TRPM1: variants seen among roughly 807,000 people sequenced by gnomAD.
TRPM1 encodes transient receptor potential cation channel subfamily M member 1, also known as TRPM1-203 APA Isoform, Intron 10.
In TRPM1, 113 loss-of-function variants were observed where a neutral mutation model predicts 149.4. That is an observed-to-expected ratio of 0.76 (90% CI 0.65 to 0.88). The LOEUF (loss-of-function observed/expected upper bound fraction) is 0.88, where lower values mean the gene tolerates loss of function less well. TRPM1 is among the 40% of genes least tolerant of loss of function. The probability of loss-of-function intolerance (pLI) is 0.00; values close to 1 mark genes in which losing one functional copy is unlikely to be tolerated. For missense variants in TRPM1, 1,976 were observed against 2,038.7 expected (o/e 0.97, Z 0.59); for synonymous variants, 741 against 759.5 (o/e 0.98, Z 0.40).
intron 11 of TRPM1, among the ~76,000 whole-genome samples, chr15:31,059,150 G>C (rs2140951443): frequency 6.6e-6 from 1 of 152,302 alleles, no homozygotes; most frequent in Non-Finnish European, 1.5e-5. Context: ...AGTGGAAGCA[G>C]AGTGAGCAAT....
At position 31,040,049 on chromosome 15, in the gene TRPM1, T is replaced by C; in HGVS notation, c.2316+69A>G. 7.2e-7 allele frequency: 1 copy of C among 1,391,510 alleles called. No homozygotes were observed. The highest frequency in any genetic ancestry group is 1.2e-5 in the South Asian group (1 of 86,448). The allele number at this position is 1,391,510 out of a possible 1,614,324, so 86.2% of individuals were successfully genotyped here. ...AAATGAAATAAGCCACAGAAAGTGCTCAGTTCAGCCTGGCAGAGAGTCACT... is the reference window on the plus strand; with the variant it reads ...AAATGAAATAAGCCACAGAAAGTGCCCAGTTCAGCCTGGCAGAGAGTCACT... On this transcript the variant is annotated intron_variant, in intron 18 of 27. Coordinates refer to ENST00000256552, the MANE Select transcript of TRPM1 (RefSeq NM_001252024.2). The surrounding 1 kb of genome is among the most constrained non-coding windows in gnomAD (Gnocchi z 4.2).
chr15:31,047,800 T>C, intron 14 of TRPM1, 89 bp downstream of exon 14: 1 of 1,046,394 alleles, frequency 9.6e-7, no homozygotes, highest in Non-Finnish European at 1.5e-6. Context: ...CCTGGAATAA[T>C]AATACATTTT....
At chr15:31,082,265 C>A (rs181382883) in intron 1 of TRPM1, among the ~76,000 whole-genome samples, 1 of 152,128 alleles carries the variant, frequency 6.6e-6, no homozygotes, top group Admixed American at 6.5e-5. Context: ...GCCTCTGTGC[C>A]GGATGATAGG....
At chr15:31,038,216 T>C (rs2033489675) in intron 18 of TRPM1, 50 bp from the exon 19 acceptor site, 1 of 1,606,044 alleles carries the variant, frequency 6.2e-7, no homozygotes, top group Non-Finnish European at 8.5e-7. Context: ...TAGAAAAATG[T>C]CCCAGCATAG....
At chr15:31,113,827 A>G (rs1253887792) in intron 1 of TRPM1, among the ~76,000 whole-genome samples, 2 of 152,148 alleles carry the variant, frequency 1.3e-5, no homozygotes, top group South Asian at 2.1e-4. Flanking sequence ...TTTATTGTGA[A>G]GATGTGAACA....
Position 31,032,768 on chromosome 15 carries a change from A to T in TRPM1, c.2873T>A (p.Ile958Asn). ...GTCCAGGACACGGATGTACCAGAAG[A>T]TGATATCCACACAGTAGATCACCCG... ...YGRVIYCVDI[I>N]FWYIRVLDIF... Residue 958 changes from isoleucine to asparagine, a missense_variant, in exon 22 of 28, where the codon ATC (isoleucine) becomes AAC (asparagine). Physicochemically the swap from Ile to Asn is moderately radical, Grantham distance 149 (BLOSUM62 -3). This residue lies in a region of TRPM1 where 1,332 missense variants were observed against 1,347.1 expected (regional missense o/e 0.99). Coordinates refer to ENST00000256552, the MANE Select transcript of TRPM1 (RefSeq NM_001252024.2). The T allele has an allele frequency of 6.2e-7, 1 of 1,614,188 alleles. No individual in the cohort carries two copies. The highest frequency in any genetic ancestry group is 1.1e-5 in the South Asian group (1 of 91,084).
intron 1 of TRPM1, among the ~76,000 whole-genome samples, chr15:31,093,066 G>A (rs1279065779): frequency 6.6e-6 from 1 of 152,046 alleles, no homozygotes; most frequent in Non-Finnish European, 1.5e-5. Context: ...TTCGAGACCA[G>A]CCTGGCCAAC....
At chr15:31,077,705 C>A (rs763208584) in intron 2 of TRPM1, among the ~76,000 whole-genome samples, 1 of 151,740 alleles carries the variant, frequency 6.6e-6, no homozygotes, top group Non-Finnish European at 1.5e-5. Flanking sequence ...TGGCTCAGTG[C>A]GTATTTGTGC....
At chr15:31,017,568 C>T (rs1208614141) in intron 27 of TRPM1, among the ~76,000 whole-genome samples, 3 of 152,152 alleles carry the variant, frequency 2.0e-5, no homozygotes, top group African/African-American at 7.2e-5. Flanking sequence ...TGCAGCATGA[C>T]AGCAACTAAA....
intron 27 of TRPM1, among the ~76,000 whole-genome samples, chr15:31,016,893 G>C (rs1303888767): frequency 6.6e-6 from 1 of 151,604 alleles, no homozygotes; most frequent in Non-Finnish European, 1.5e-5. Flanking sequence ...TTGACTCACA[G>C]ATTAAATCTT....
At chr15:31,109,698 TAA>T (rs71420547) in intron 1 of TRPM1, among the ~76,000 whole-genome samples, 14 of 123,080 alleles carry the variant, frequency 1.1e-4, no homozygotes, top group East Asian at 5.0e-4. Flanking sequence ...AGACTCTGTC[TAA>T]AAAAAAAAAA....
intron 1 of TRPM1, among the ~76,000 whole-genome samples, chr15:31,094,567 A>G (rs756995026): frequency 6.6e-6 from 1 of 152,246 alleles, no homozygotes; most frequent in Non-Finnish European, 1.5e-5. Flanking sequence ...TTGAATAGAC[A>G]ATTCTCCAAT....
Position 31,037,604 on chromosome 15 carries a change from C to T in TRPM1, c.2571+107G>A, listed in dbSNP as rs1378799544. The T allele has an allele frequency of 8.2e-6, 12 of 1,458,982 alleles. No individual in the cohort carries two copies. In the South Asian group the frequency reaches 9.3e-5, roughly 11 times the overall value. 90.4% of individuals were successfully genotyped at this position (1,458,982 alleles called of 1,614,324 possible). ...TTTGTTCTCATAATTCATTTTAATT[C>T]AGTGAATTTTTAGATACTTTTTTAA... On this transcript the variant is annotated intron_variant, in intron 20 of 27. Transcript: ENST00000256552.
chr15:31,153,119 TAC>T (rs2141063730), intron 1 of TRPM1, among the ~76,000 whole-genome samples: 1 of 152,374 alleles, frequency 6.6e-6, no homozygotes, highest in East Asian at 1.9e-4. Context: ...GGGGAAAATC[TAC>T]ATTCTGTAGA....
intron 27 of TRPM1, among the ~76,000 whole-genome samples, chr15:31,021,418 G>A (rs1167743810): frequency 1.3e-5 from 2 of 152,166 alleles, no homozygotes; most frequent in Non-Finnish European, 2.9e-5. Flanking sequence ...ATCCAGGATG[G>A]GGCATGATGT....
chr15:31,026,821 G>A (rs959915356), intron 26 of TRPM1, 94 bp downstream of exon 26: 2 of 1,329,576 alleles, frequency 1.5e-6, no homozygotes, highest in Admixed American at 3.4e-5. Context: ...CTTTTCACAC[G>A]AGCAAGTAGT....
chr15:31,047,963 G>A (rs772292988), intron 13 of TRPM1, 24 bp from the exon 14 acceptor site: 2 of 1,611,146 alleles, frequency 1.2e-6, no homozygotes, highest in East Asian at 2.2e-5. Context: ...ATTCATGTGT[G>A]TTAAATATGT....
At chr15:31,052,585 G>C (rs775244278) in intron 11 of TRPM1, among the ~76,000 whole-genome samples, 1 of 152,132 alleles carries the variant, frequency 6.6e-6, no homozygotes, top group Non-Finnish European at 1.5e-5. Flanking sequence ...GACCAGCCTG[G>C]CCAACATGGT....
chr15:31,151,239 TC>T (rs2036299378), intron 1 of TRPM1, among the ~76,000 whole-genome samples: 1 of 152,118 alleles, frequency 6.6e-6, no homozygotes, highest in Non-Finnish European at 1.5e-5. Context: ...ACTCTAACAC[TC>T]TGGTGAGGGT....
Sources: allele counts gnomAD v4.1 joint callset (sites outside exome capture counted in the v4.1 genomes callset), GRCh38; gene constraint gnomAD v4.1.1; regional missense constraint gnomAD v4.1.1; non-coding constraint Gnocchi (gnomAD v3.1); transcripts MANE v1.5; gene names NCBI Gene and HGNC (gene_info 2026-07-23, HGNC 2026-07-21).